Variants in DPCD observed in about 807,000 individuals in gnomAD.
The protein encoded by DPCD is protein DPCD.
In DPCD, 20 loss-of-function variants were observed where a neutral mutation model predicts 26.4. The observed-to-expected ratio is 0.76, with a 90% CI of 0.53 to 1.10. The LOEUF is 1.10. Ranked by LOEUF, DPCD falls within the 50% of genes least tolerant of loss-of-function variation. DPCD has a pLI of 0.00. For missense variants in DPCD, 202 were observed against 253.9 expected, an observed-to-expected ratio of 0.80 and a Z score of 1.39; for synonymous variants, 97 against 94.2, an observed-to-expected ratio of 1.03 and a Z score of -0.17.
chr10:101,591,389 G>C (rs2063605776), intron 1 of DPCD, among the ~76,000 whole-genome samples: 1 of 152,044 alleles, frequency 6.6e-6, no homozygotes, highest in African/African-American at 2.4e-5. Context: ...TTTGTTAGTA[G>C]CATCACAAAA....
intron 3 of DPCD, 48 bp from the exon 4 acceptor site, chr10:101,601,155 C>G (rs771549730): frequency 8.7e-6 from 14 of 1,610,052 alleles, no homozygotes; most frequent in Non-Finnish European, 1.2e-5. Flanking sequence ...GAGGGTGGAG[C>G]CTTCCCTTCC....
At chr10:101,590,169 G>GGTAC (rs2063592612) in intron 1 of DPCD, among the ~76,000 whole-genome samples, 1 of 152,078 alleles carries the variant, frequency 6.6e-6, no homozygotes, top group Admixed American at 6.6e-5. Flanking sequence ...AAGGTGTGAA[G>GGTAC]GTACGTGCCT....
At chr10:101,593,985 G>A (rs2063631673) in intron 1 of DPCD, among the ~76,000 whole-genome samples, 1 of 152,056 alleles carries the variant, frequency 6.6e-6, no homozygotes, top group African/African-American at 2.4e-5. Context: ...GAAGAGATAG[G>A]CAGTAATCAA....
Position 101,593,854 on chromosome 10 carries a change from A to G in DPCD, c.65-804A>G, listed in dbSNP as rs182640174. Among the ~76,000 whole-genome samples the G allele has an allele frequency of 2.1e-3, 313 of 152,310 alleles. 3 individuals are homozygous for G. The highest frequency in any genetic ancestry group is 6.9e-3 in the African/African-American group (289 of 41,586). On this transcript the variant is annotated intron_variant, in intron 1 of 5. Transcript: ENST00000370151. ...AGTTTCTTCTGTTCTTTCAACGGATAGTGCATCAGTGTTTATTCATCCTTT... is the reference window on the plus strand; with the variant it reads ...AGTTTCTTCTGTTCTTTCAACGGATGGTGCATCAGTGTTTATTCATCCTTT...
At chr10:101,597,834 A>G (rs1290195243) in intron 2 of DPCD, among the ~76,000 whole-genome samples, 2 of 152,252 alleles carry the variant, frequency 1.3e-5, no homozygotes, top group South Asian at 2.1e-4. Context: ...CAAAGTGTGC[A>G]TTTGTACATG....
In DPCD at chr10:101,593,165, G is replaced by A. The variant is rs10466172; in HGVS notation, c.65-1493G>A. Among the ~76,000 whole-genome samples the A allele has an allele frequency of 6.6e-3, 1,006 of 152,294 alleles. 12 individuals are homozygous for A. Among genetic ancestry groups the A allele is most frequent in the African/African-American group, 0.02 (821 of 41,562 alleles). ...GACTCAAGGCTGGATGCCAAGGGGA[G>A]AAGATGGTCAGGCAAGACCCCCTCA... On this transcript the variant is annotated intron_variant, in intron 1 of 5. Transcript: ENST00000370151.
At chr10:101,593,849 C>T (rs1052248553) in intron 1 of DPCD, among the ~76,000 whole-genome samples, 4 of 152,286 alleles carry the variant, frequency 2.6e-5, no homozygotes, top group East Asian at 1.9e-4. Flanking sequence ...GTTCTTTCAA[C>T]GGATAGTGCA....
Position 101,600,917 on chromosome 10 carries a change from G to A in DPCD, c.270+55G>A. 1 of 1,610,222 alleles carries A rather than the reference G, an allele frequency of 6.2e-7. No individual in the cohort carries two copies. The highest frequency in any genetic ancestry group is 8.5e-7 in the Non-Finnish European group (1 of 1,179,010). ...GGACTGAGGTGGGGGTGGGCTGTGGGCTGCTGGCTCTTGAGGGCAGGGACC... is the reference window on the plus strand; with the variant it reads ...GGACTGAGGTGGGGGTGGGCTGTGGACTGCTGGCTCTTGAGGGCAGGGACC... On this transcript the variant is annotated intron_variant, in intron 3 of 5. Transcript: ENST00000370151. This position sits in a 1 kb window ranked among gnomAD's most constrained non-coding sequence, Gnocchi z 4.7.
At chr10:101,592,275 G>T (rs2063615664) in intron 1 of DPCD, among the ~76,000 whole-genome samples, 1 of 152,164 alleles carries the variant, frequency 6.6e-6, no homozygotes, top group Non-Finnish European at 1.5e-5. Flanking sequence ...AGCTACTGGG[G>T]AAACTGAGGC....
intron 1 of DPCD, 82 bp downstream of exon 1, chr10:101,588,482 G>A (rs1213956520): frequency 2.6e-6 from 4 of 1,534,038 alleles, no homozygotes; most frequent in South Asian, 1.2e-5. Context: ...GGCCTGGGTC[G>A]GCAGAGCTGG....
At chr10:101,604,329 A>G (rs2063719277) in intron 4 of DPCD, among the ~76,000 whole-genome samples, 1 of 152,236 alleles carries the variant, frequency 6.6e-6, no homozygotes, top group Admixed American at 6.5e-5. Flanking sequence ...TCTGCACTTC[A>G]GAAATGCACA....
intron 4 of DPCD, among the ~76,000 whole-genome samples, chr10:101,602,953 A>G (rs1254319001): frequency 6.6e-6 from 1 of 152,254 alleles, no homozygotes; most frequent in East Asian, 1.9e-4. Flanking sequence ...TCCTGCGCAC[A>G]TCCAGCCATA....
intron 2 of DPCD, among the ~76,000 whole-genome samples, chr10:101,599,205 G>T (rs1018166906): frequency 7.9e-5 from 12 of 152,190 alleles, no homozygotes; most frequent in Non-Finnish European, 1.8e-4. Context: ...ATAGAGTAGG[G>T]TACATGGATC....
chr10:101,603,898 G>A lies in DPCD; in HGVS notation c.404+2562G>A, dbSNP rs972815234. 8.5e-5 allele frequency among the ~76,000 whole-genome samples: 13 copies of A among 152,128 alleles called. No individual in the cohort carries two copies. Among genetic ancestry groups the A allele is most frequent in the African/African-American group, 1.2e-4 (5 of 41,426 alleles). On this transcript the variant is annotated intron_variant, in intron 4 of 5. Coordinates refer to ENST00000370151, the MANE Select transcript of DPCD (RefSeq NM_015448.3). This position sits in a 1 kb window ranked among gnomAD's most constrained non-coding sequence, Gnocchi z 4.6. Reference sequence around the variant, plus strand: ...CTCCTGAGAAGCTGGGACTATAGGCGCATACCACCCAATCTGGCCAAGTTT... The same window carrying A: ...CTCCTGAGAAGCTGGGACTATAGGCACATACCACCCAATCTGGCCAAGTTT...
chr10:101,588,535 A>G, intron 1 of DPCD, 135 bp downstream of exon 1: 1 of 1,476,446 alleles, frequency 6.8e-7, no homozygotes, highest in South Asian at 1.3e-5. Flanking sequence ...GCATTTGCAG[A>G]TGAGGAGACT....
chr10:101,588,481 C>T (rs2134734524), intron 1 of DPCD, 81 bp downstream of exon 1: 1 of 1,534,522 alleles, frequency 6.5e-7, no homozygotes, highest in Non-Finnish European at 8.8e-7. Context: ...GGGCCTGGGT[C>T]GGCAGAGCTG....
chr10:101,593,121 A>G (rs1480986162), intron 1 of DPCD, among the ~76,000 whole-genome samples: 5 of 152,162 alleles, frequency 3.3e-5, no homozygotes, highest in Admixed American at 6.5e-5. Context: ...TGGATTTAGT[A>G]AGCGCTGCAT....
At chr10:101,599,351 C>A (rs1424861754) in intron 2 of DPCD, among the ~76,000 whole-genome samples, 1 of 152,154 alleles carries the variant, frequency 6.6e-6, no homozygotes, top group African/African-American at 2.4e-5. Flanking sequence ...TGGTCACAGT[C>A]CGTTCACTTA....
intron 4 of DPCD, among the ~76,000 whole-genome samples, chr10:101,602,825 C>T (rs1440181907): frequency 2.0e-5 from 3 of 152,166 alleles, no homozygotes; most frequent in Non-Finnish European, 2.9e-5. Flanking sequence ...TTTTTTGTCC[C>T]CCAGAGGTCA....
Sources: gnomAD v4.1 joint callset for allele counts (sites outside exome capture counted in the v4.1 genomes callset) on GRCh38, gnomAD v4.1.1 for gene constraint, Gnocchi (gnomAD v3.1) non-coding constraint, MANE v1.5 for transcripts, NCBI Gene and HGNC (gene_info 2026-07-23, HGNC 2026-07-21) for gene names.